Variants in FOXK1 observed in about 807,000 individuals in gnomAD.
FOXK1 encodes forkhead box K1, also known as forkhead box protein K1.
FOXK1 carries 19 observed loss-of-function variants against 51.9 expected under a neutral mutation model. The ratio of observed to expected loss-of-function variants is 0.37; its 90% CI spans 0.26 to 0.54. The LOEUF (loss-of-function observed/expected upper bound fraction) is 0.54. FOXK1 is among the 20% of genes least tolerant of loss of function. The pLI, the probability that FOXK1 is intolerant of heterozygous loss-of-function variation, is 0.87. For synonymous variants in FOXK1, 537 were observed against 482.6 expected, an observed-to-expected ratio of 1.11 and a Z score of -1.48; for missense variants, 870 against 1,032.7, an observed-to-expected ratio of 0.84 and a Z score of 2.16.
Position 4,761,437 on chromosome 7 carries a change from A to T in FOXK1, c.1921+149A>T. Reference sequence around the variant, plus strand: ...CTGCTATACTCCAGGCACTGGGGTAATGCAAAGAAAAAGAGGGTGGAAGGG... The same window carrying T: ...CTGCTATACTCCAGGCACTGGGGTATTGCAAAGAAAAAGAGGGTGGAAGGG... On this transcript the variant is annotated intron_variant, in intron 8 of 8. Transcript: ENST00000328914. This position sits in a 1 kb window ranked among gnomAD's most constrained non-coding sequence, Gnocchi z 6.2. 5 of 883,488 alleles carry T rather than the reference A, an allele frequency of 5.7e-6. No homozygotes were observed. Among genetic ancestry groups the T allele is most frequent in the Non-Finnish European group, 6.9e-6 (4 of 581,540 alleles). 54.7% of individuals were successfully genotyped at this position (883,488 alleles called of 1,614,324 possible).
At chr7:4,719,648 A>C (rs778175524) in intron 1 of FOXK1, among the ~76,000 whole-genome samples, 17 of 151,692 alleles carry the variant, frequency 1.1e-4, no homozygotes, top group Non-Finnish European at 2.2e-4. Context: ...TGCCCATCTA[A>C]TTTTTGTATT....
At position 4,703,973 on chromosome 7, in the gene FOXK1, G is replaced by A. The variant is rs147249994; in HGVS notation, c.560+21105G>A. On this transcript the variant is annotated intron_variant, in intron 1 of 8. Coordinates refer to ENST00000328914, the MANE Select transcript of FOXK1 (RefSeq NM_001037165.2). The surrounding 1 kb of genome is among the most constrained non-coding windows in gnomAD (Gnocchi z 5.6). The stretch of plus-strand genomic sequence containing the variant: ...AAAATGCGTGTATACGTACCCCTAC[G>A]TGTGGAAAACTGGCTACCGCATGCT... Among the ~76,000 whole-genome samples, 34 of 152,214 alleles carry A rather than the reference G, an allele frequency of 2.2e-4. 1 individual carries two copies. Among genetic ancestry groups the A allele is most frequent in the Admixed American group, 1.9e-3 (29 of 15,284 alleles).
At position 4,768,347 on chromosome 7, in the gene FOXK1, T is replaced by C. The variant is rs1361423331; in HGVS notation, c.*5883T>C. ...CGGGGTTTCACCGTGTTAGCCAGGA[T>C]GGTCTCGATCTCCTGACCTCGTGAT... On this transcript the variant is annotated 3_prime_UTR_variant, in exon 9 of 9. Transcript: ENST00000328914. 3.3e-5 allele frequency: 5 copies of C among 149,876 alleles called. No individual in the cohort carries two copies. Among genetic ancestry groups the C allele is most frequent in the Admixed American group, 3.3e-4 (5 of 15,208 alleles). The allele number at this position is 149,876 out of a possible 1,614,324, so 9.3% of individuals were successfully genotyped here.
intron 1 of FOXK1, among the ~76,000 whole-genome samples, chr7:4,728,944 T>C (rs563532451): frequency 7.9e-5 from 12 of 152,126 alleles, no homozygotes; most frequent in Non-Finnish European, 1.6e-4. Flanking sequence ...GGAATTACTG[T>C]GGACAGCATT....
chr7:4,724,284 C>T (rs973497486), intron 1 of FOXK1, among the ~76,000 whole-genome samples: 14 of 152,180 alleles, frequency 9.2e-5, no homozygotes, highest in Non-Finnish European at 1.6e-4. Flanking sequence ...CAACCTCCGT[C>T]TCCCGGGTTC....
Position 4,761,240 on chromosome 7 carries a change from A to G in FOXK1, c.1873A>G (p.Asn625Asp). Residue 625 changes from asparagine (N) to aspartate (D), a missense_variant, in exon 8 of 9, where the codon AAC becomes GAC. Around this residue, in one of 3 missense-constraint regions of FOXK1, gnomAD observed 457 missense variants for 510.8 expected, o/e 0.89. Transcript: ENST00000328914. This position sits in a 1 kb window ranked among gnomAD's most constrained non-coding sequence, Gnocchi z 6.2. ...CCTTCCAGTCCGGGCCGTGACCCAG[A>G]ACGGAAAGCATGCGGTTCCCACGAA... The part of the protein sequence containing the change: ...HHLPVRAVTQ[N>D]GKHAVPTNSL... The G allele has an allele frequency of 6.2e-7, 1 of 1,613,148 alleles. No homozygotes were observed. The highest frequency in any genetic ancestry group is 8.5e-7 in the Non-Finnish European group (1 of 1,180,022).
intron 2 of FOXK1, among the ~76,000 whole-genome samples, chr7:4,750,774 G>A (rs1013570252): frequency 6.7e-6 from 1 of 149,922 alleles, no homozygotes; most frequent in African/African-American, 2.5e-5. Flanking sequence ...GCATAATCTC[G>A]GCTCACTGCA....
chr7:4,728,067 C>T (rs970710440), intron 1 of FOXK1, among the ~76,000 whole-genome samples: 4 of 152,160 alleles, frequency 2.6e-5, no homozygotes, highest in East Asian at 1.9e-4. Flanking sequence ...GCTGGGCCCC[C>T]GGGACAGCAA....
intron 1 of FOXK1, among the ~76,000 whole-genome samples, chr7:4,727,412 T>G (rs6950090): frequency 0.54 from 82,346 of 151,940 alleles, 23,001 homozygotes; most frequent in East Asian, 0.82. Context: ...GCCTCCCGGG[T>G]TCAAGTGATT....
intron 1 of FOXK1, among the ~76,000 whole-genome samples, chr7:4,718,775 AT>A (rs1266308107): frequency 6.6e-6 from 1 of 152,130 alleles, no homozygotes. Flanking sequence ...ATTTGTTTTA[AT>A]TTTAGCCATT....
chr7:4,757,181 C>T lies in FOXK1; in HGVS notation c.1238C>T (p.Ser413Phe). Reference protein sequence around the residue: ...SCFRTPFGPLSSRSAPASPTH... With the variant: ...SCFRTPFGPLFSRSAPASPTH... ...TTCCGCACCCCCTTCGGGCCTCTGT[C>T]CTCAAGGTAAAGTTCTCTGAGCGCC... is the stretch of plus-strand genomic sequence containing the variant. Residue 413 changes from serine (S) to phenylalanine (F), a missense_variant, in exon 5 of 9, where the codon TCC becomes TTC. Coordinates refer to ENST00000328914, the MANE Select transcript of FOXK1 (RefSeq NM_001037165.2). 6.2e-7 allele frequency: 1 copy of T among 1,600,630 alleles called. No homozygotes were observed. Among genetic ancestry groups the T allele is most frequent in the Non-Finnish European group, 8.5e-7 (1 of 1,173,546 alleles).
Position 4,767,999 on chromosome 7 carries a change from T to A in FOXK1, c.*5535T>A, listed in dbSNP as rs1781039271. On this transcript the variant is annotated 3_prime_UTR_variant, in exon 9 of 9. Transcript: ENST00000328914. The surrounding 1 kb of genome is among the most constrained non-coding windows in gnomAD (Gnocchi z 6.6). ...ATTAGAGCTGCTGCGTCCTTTCCTC[T>A]GTCCTCCCTGTCACCCAAACCCCGA... is the stretch of plus-strand genomic sequence containing the variant. 2 of 152,170 alleles carry A rather than the reference T, an allele frequency of 1.3e-5. No individual in the cohort carries two copies. The highest frequency in any genetic ancestry group is 4.1e-4 in the South Asian group (2 of 4,832). The allele number at this position is 152,170 out of a possible 1,614,324, so 9.4% of individuals were successfully genotyped here.
rs139063943 is a variant in FOXK1 at position 4,759,982 on chromosome 7, A to G, written c.1696+387A>G. On this transcript the variant is annotated intron_variant, in intron 7 of 8. Coordinates refer to ENST00000328914, the MANE Select transcript of FOXK1 (RefSeq NM_001037165.2). The stretch of plus-strand genomic sequence containing the variant: ...GGAGGCAGAGGTTGCAGTGAGCTAG[A>G]CTGCGCCACTGCACTCCAGCCTGGG... The G allele has an allele frequency of 2.5e-5, 6 of 235,554 alleles. No homozygotes were observed. In the East Asian group the frequency reaches 4.6e-4, roughly 18 times the overall value. 14.6% of individuals were successfully genotyped at this position (235,554 alleles called of 1,614,324 possible). A position where few individuals can be genotyped will look rare whatever the true frequency, so the allele number is the denominator to read the frequency against.
chr7:4,685,565 T>G (rs1476180874), intron 1 of FOXK1, among the ~76,000 whole-genome samples: 1 of 149,340 alleles, frequency 6.7e-6, no homozygotes, highest in African/African-American at 2.5e-5. Context: ...AACTTACACC[T>G]AAGTAGTCAC....
At chr7:4,742,985 G>A (rs1583205337) in intron 2 of FOXK1, among the ~76,000 whole-genome samples, 1 of 152,184 alleles carries the variant, frequency 6.6e-6, no homozygotes, top group South Asian at 2.1e-4. Context: ...GGCTCAGGCC[G>A]GGCATGGTCA....
At position 4,758,001 on chromosome 7, in the gene FOXK1, G is replaced by T. The variant is rs1386738161; in HGVS notation, c.1244+814G>T. The T allele has an allele frequency of 6.6e-6, 1 of 152,226 alleles. No individual in the cohort carries two copies. Among genetic ancestry groups the T allele is most frequent in the Non-Finnish European group, 1.5e-5 (1 of 68,044 alleles). The allele number at this position is 152,226 out of a possible 1,614,324, so 9.4% of individuals were successfully genotyped here. Reference sequence around the variant, plus strand: ...CCACTGACTGTTGTATTAAAAATAAGATTTTAGTTCTTAGAAGTGGAAATG... The same window carrying T: ...CCACTGACTGTTGTATTAAAAATAATATTTTAGTTCTTAGAAGTGGAAATG... On this transcript the variant is annotated intron_variant, in intron 5 of 8. Coordinates refer to ENST00000328914, the MANE Select transcript of FOXK1 (RefSeq NM_001037165.2). The surrounding 1 kb of genome is among the most constrained non-coding windows in gnomAD (Gnocchi z 4.4).
rs192877903 is a variant in FOXK1 at position 4,735,236 on chromosome 7, G to A, written c.561-5602G>A. On this transcript the variant is annotated intron_variant, in intron 1 of 8. Coordinates refer to ENST00000328914, the MANE Select transcript of FOXK1 (RefSeq NM_001037165.2). The surrounding 1 kb of genome is among the most constrained non-coding windows in gnomAD (Gnocchi z 4.7). ...AGTGTCATCTCCAACCAAGTCACCA[G>A]TTTGGCCCAACTTCCAGGAGCCATC... 1.6e-4 allele frequency among the ~76,000 whole-genome samples: 25 copies of A among 152,250 alleles called. 1 individual carries two copies. Among genetic ancestry groups the A allele is most frequent in the African/African-American group, 6.0e-4 (25 of 41,548 alleles).
intron 1 of FOXK1, among the ~76,000 whole-genome samples, chr7:4,687,168 A>G (rs1049699995): frequency 2.0e-5 from 3 of 151,894 alleles, no homozygotes; most frequent in South Asian, 2.1e-4. Flanking sequence ...TCCTGACCTC[A>G]TGATCCACCC....
intron 1 of FOXK1, among the ~76,000 whole-genome samples, chr7:4,698,302 G>A (rs28663048): frequency 1.4e-5 from 2 of 146,026 alleles, no homozygotes; most frequent in Admixed American, 6.8e-5. Flanking sequence ...TTTTATATAT[G>A]TATGTGTGTG....
Sources: allele counts gnomAD v4.1 joint callset (sites outside exome capture counted in the v4.1 genomes callset), GRCh38; gene constraint gnomAD v4.1.1; regional missense constraint gnomAD v4.1.1; non-coding constraint Gnocchi (gnomAD v3.1); transcripts MANE v1.5; gene names NCBI Gene and HGNC (gene_info 2026-07-23, HGNC 2026-07-21).